TMEM131L: variants seen among roughly 807,000 people sequenced by gnomAD.
TMEM131L encodes transmembrane protein 131-like.
TMEM131L carries 54 observed loss-of-function variants against 192.2 expected under a neutral mutation model. That is an observed-to-expected ratio of 0.28 (90% CI 0.23 to 0.35). TMEM131L has a LOEUF of 0.35. Ranked by LOEUF, TMEM131L falls within the 10% of genes least tolerant of loss-of-function variation. The pLI is 1.00. For missense variants in TMEM131L, 1,888 were observed against 1,972.9 expected, an observed-to-expected ratio of 0.96 and a Z score of 0.82; for synonymous variants, 701 against 704.9, an observed-to-expected ratio of 0.99 and a Z score of 0.09.
rs907924270 is a variant in TMEM131L at position 153,603,323 on chromosome 4, T to C, written c.2660T>C (p.Ile887Thr). 1.9e-6 allele frequency: 3 copies of C among 1,613,874 alleles called. No individual in the cohort carries two copies. Among genetic ancestry groups the C allele is most frequent in the Non-Finnish European group, 2.5e-6 (3 of 1,179,876 alleles). The change falls in exon 24 of 35, where the codon ATT becomes ACT. Residue 887 changes from isoleucine (I) to threonine (T), a missense_variant. Ile to Thr is a moderately conservative substitution (Grantham distance 89, BLOSUM62 -1). Coordinates refer to ENST00000409959, the MANE Select transcript of TMEM131L (RefSeq NM_001131007.2). Reference sequence around the variant, plus strand: ...CTCAGTTTGTCCCTGTTGGGTGTGATTTTAATAGCCTTCCAACAAGCACAG... The same window carrying C: ...CTCAGTTTGTCCCTGTTGGGTGTGACTTTAATAGCCTTCCAACAAGCACAG... ...FFVSLSLLGV[I>T]LIAFQQAQYI... is the part of the protein sequence containing the mutation.
chr4:153,474,536 G>C (rs561689095), intron 3 of TMEM131L, among the ~76,000 whole-genome samples: 1 of 152,274 alleles, frequency 6.6e-6, no homozygotes, highest in African/African-American at 2.4e-5. Context: ...TTTAGAAGTC[G>C]CAGTAAGGAA....
At chr4:153,614,714 C>T (rs1353064541) in intron 26 of TMEM131L, among the ~76,000 whole-genome samples, 1 of 103,764 alleles carries the variant, frequency 9.6e-6, no homozygotes, top group Non-Finnish European at 2.2e-5. Flanking sequence ...GAAGATCATT[C>T]TCAATGTTTT....
intron 3 of TMEM131L, among the ~76,000 whole-genome samples, chr4:153,522,308 T>C (rs1310199609): frequency 6.6e-6 from 1 of 152,180 alleles, no homozygotes; most frequent in Non-Finnish European, 1.5e-5. Context: ...TCTAAGTTCA[T>C]AAGTTGGTAG....
chr4:153,520,100 A>G (rs1470684818), intron 3 of TMEM131L, among the ~76,000 whole-genome samples: 1 of 152,100 alleles, frequency 6.6e-6, no homozygotes, highest in Non-Finnish European at 1.5e-5. Flanking sequence ...TTGAACAAAC[A>G]CGGTCCATCT....
At chr4:153,584,724 A>G (rs531984744) in intron 11 of TMEM131L, 111 bp from the exon 12 acceptor site, 5 of 628,930 alleles carry the variant, frequency 8.0e-6, no homozygotes, top group South Asian at 5.6e-5. Context: ...CACTATTTTA[A>G]TGGAGACAGA....
At chr4:153,570,027 T>A (rs1481329593) in intron 7 of TMEM131L, among the ~76,000 whole-genome samples, 1 of 150,950 alleles carries the variant, frequency 6.6e-6, no homozygotes, top group Non-Finnish European at 1.5e-5. Context: ...ATTTTATTTT[T>A]ATTTTAATCA....
chr4:153,566,521 G>GTA (rs1001836265), intron 7 of TMEM131L, among the ~76,000 whole-genome samples: 1 of 110,732 alleles, frequency 9.0e-6, no homozygotes, highest in African/African-American at 8.8e-5. Context: ...GAGTGTGAGT[G>GTA]TGTGTGTGTG....
At chr4:153,556,643 A>T (rs28760580) in intron 5 of TMEM131L, among the ~76,000 whole-genome samples, 1 of 152,194 alleles carries the variant, frequency 6.6e-6, no homozygotes, top group African/African-American at 2.4e-5. Flanking sequence ...GTTATTGTCT[A>T]TATTTAAGTA....
intron 26 of TMEM131L, among the ~76,000 whole-genome samples, chr4:153,616,934 G>A (rs1368162412): frequency 1.3e-5 from 2 of 152,086 alleles, no homozygotes; most frequent in African/African-American, 4.8e-5. Context: ...AGTCTGTGAT[G>A]AACAATTTTG....
intron 3 of TMEM131L, among the ~76,000 whole-genome samples, chr4:153,487,538 G>T (rs775440344): frequency 6.6e-6 from 1 of 152,140 alleles, no homozygotes; most frequent in Non-Finnish European, 1.5e-5. Context: ...TTCTGAGGGA[G>T]AATTCATTCA....
At chr4:153,542,040 G>A (rs1300702213) in intron 3 of TMEM131L, among the ~76,000 whole-genome samples, 1 of 152,234 alleles carries the variant, frequency 6.6e-6, no homozygotes, top group East Asian at 1.9e-4. Context: ...ATCCAGGAGG[G>A]ATGACCATGG....
intron 16 of TMEM131L, among the ~76,000 whole-genome samples, chr4:153,590,742 C>T (rs1300964475): frequency 6.6e-6 from 1 of 152,122 alleles, no homozygotes; most frequent in African/African-American, 2.4e-5. Flanking sequence ...GTTGTACTCT[C>T]TTACCATCAC....
chr4:153,583,685 A>C lies in TMEM131L; in HGVS notation c.1060+13A>C. On this transcript the variant is annotated intron_variant, in intron 11 of 34. Transcript: ENST00000409959. ...TTTACCTGCAAAGGTACAGATTTTT[A>C]AACAGATTGTCATTTGACTTTTGTT... The C allele has an allele frequency of 7.0e-7, 1 of 1,421,724 alleles. No individual in the cohort carries two copies. The allele number at this position is 1,421,724 out of a possible 1,614,324, so 88.1% of individuals were successfully genotyped here. A position where few individuals can be genotyped will look rare whatever the true frequency, so the allele number is the denominator to read the frequency against.
intron 7 of TMEM131L, among the ~76,000 whole-genome samples, chr4:153,564,551 T>G (rs559242154): frequency 1.0e-3 from 157 of 152,310 alleles, no homozygotes; most frequent in African/African-American, 3.6e-3. Flanking sequence ...ATTGCTTTTT[T>G]AAACCTTGTC....
At chr4:153,492,728 A>G (rs1732873717) in intron 3 of TMEM131L, among the ~76,000 whole-genome samples, 1 of 152,122 alleles carries the variant, frequency 6.6e-6, no homozygotes, top group Admixed American at 6.5e-5. Context: ...CTTAAAGTGT[A>G]AGGTGTGTTT....
At chr4:153,624,128 AT>A (rs147130615) in intron 29 of TMEM131L, among the ~76,000 whole-genome samples, 7 of 117,268 alleles carry the variant, frequency 6.0e-5, no homozygotes, top group African/African-American at 6.3e-5. Context: ...TTAATTATTT[AT>A]TTTTTTTTTG....
At chr4:153,596,458 T>C (rs568706391) in intron 20 of TMEM131L, 73 bp downstream of exon 20, 2 of 1,559,072 alleles carry the variant, frequency 1.3e-6, no homozygotes, top group African/African-American at 1.4e-5. Context: ...TAGCTGATAG[T>C]TGACGTTCAC....
At chr4:153,504,815 T>C (rs1271127650) in intron 3 of TMEM131L, among the ~76,000 whole-genome samples, 2 of 152,208 alleles carry the variant, frequency 1.3e-5, no homozygotes, top group African/African-American at 4.8e-5. Flanking sequence ...ACATTTTGCT[T>C]CTTCATCTCA....
Position 153,500,751 on chromosome 4 carries a change from A to G in TMEM131L, c.239+26863A>G, listed in dbSNP as rs534892658. On this transcript the variant is annotated intron_variant, in intron 3 of 34. Transcript: ENST00000409959. Reference sequence around the variant, plus strand: ...TTTGGCCTTGTTAAGCTTTATCTGGATGATTTAGAACTATCTTAGCCTATT... The same window carrying G: ...TTTGGCCTTGTTAAGCTTTATCTGGGTGATTTAGAACTATCTTAGCCTATT... 7.9e-5 allele frequency among the ~76,000 whole-genome samples: 12 copies of G among 152,270 alleles called. No individual in the cohort carries two copies. In the South Asian group the frequency reaches 2.3e-3, roughly 29 times the overall value.
Sources: gnomAD v4.1 joint callset for allele counts (sites outside exome capture counted in the v4.1 genomes callset) on GRCh38, gnomAD v4.1.1 for gene constraint, MANE v1.5 for transcripts, NCBI Gene and HGNC (gene_info 2026-07-23, HGNC 2026-07-21) for gene names.